Variants in PRDM1 observed in about 807,000 individuals in gnomAD.
PRDM1 encodes PR/SET domain 1, also known as PR domain zinc finger protein 1.
Under a neutral mutation model 62.8 loss-of-function variants are expected in PRDM1, and 13 were observed. That is an observed-to-expected ratio of 0.21 (90% confidence interval 0.13 to 0.33). The LOEUF is 0.33. PRDM1 is among the 10% of genes least tolerant of loss of function. The pLI is 1.00. For synonymous variants in PRDM1, 396 were observed against 417.6 expected, an observed-to-expected ratio of 0.95 and a Z score of 0.63; for missense variants, 895 against 1,058.8, an observed-to-expected ratio of 0.85 and a Z score of 2.15.
chr6:106,069,039 G>A (rs1030189306), intron 1 of PRDM1, among the ~76,000 whole-genome samples: 18 of 152,118 alleles, frequency 1.2e-4, no homozygotes, highest in Non-Finnish European at 1.9e-4. Context: ...GATAGACTTC[G>A]GATTGGCCAT....
At position 105,994,806 on chromosome 6, in the gene PRDM1, C is replaced by G. The variant is rs1480906943; in HGVS notation, c.-67+1167C>G. ...TCCGCGGCGGGGATGGCTGGGTGTG[C>G]AAACCGAAAACAGTTTGTCAGCCCT... On this transcript the variant is annotated intron_variant, in intron 1 of 6. Transcript: ENST00000652320. The surrounding 1 kb of genome is among the most constrained non-coding windows in gnomAD (Gnocchi z 4.1). Among the ~76,000 whole-genome samples, 1 of 152,224 alleles carries G rather than the reference C, an allele frequency of 6.6e-6. No homozygotes were observed. Among genetic ancestry groups the G allele is most frequent in the Non-Finnish European group, 1.5e-5 (1 of 68,042 alleles).
chr6:106,099,673 T>A, intron 4 of PRDM1, 121 bp downstream of exon 4: 1 of 1,367,404 alleles, frequency 7.3e-7, no homozygotes, highest in Non-Finnish European at 9.8e-7. Context: ...GTAGGTGGCT[T>A]AAGCTAGGGA....
At position 106,106,589 on chromosome 6, in the gene PRDM1, G is replaced by A. The variant is rs903168022; in HGVS notation, c.1902+90G>A. 1.3e-6 allele frequency: 2 copies of A among 1,534,588 alleles called. No individual in the cohort carries two copies. The highest frequency in any genetic ancestry group is 1.8e-6 in the Non-Finnish European group (2 of 1,129,702). On this transcript the variant is annotated intron_variant, in intron 6 of 6. Coordinates refer to ENST00000369096, the MANE Select transcript of PRDM1 (RefSeq NM_001198.4). The surrounding 1 kb of genome is among the most constrained non-coding windows in gnomAD (Gnocchi z 4.4). ...ATGTCCTATATAGCCCGTAGTTAAA[G>A]CCAACACCAGATTCTGCGTTGTCCC...
chr6:105,999,994 C>T (rs1200169036), intron 1 of PRDM1, among the ~76,000 whole-genome samples: 4 of 152,038 alleles, frequency 2.6e-5, no homozygotes, highest in South Asian at 2.1e-4. Context: ...GGACTACAGG[C>T]GCCTGCCACC....
rs1241973444 is a variant in PRDM1, at chr6:106,106,750, C to T, written c.1903-161C>T. ...CCCCTCGTGTGCTGTGTGCCCACAT[C>T]CCCCCGTTTGCTTAATACCACACTG... On this transcript the variant is annotated intron_variant, in intron 6 of 6. Transcript: ENST00000369096. This position sits in a 1 kb window ranked among gnomAD's most constrained non-coding sequence, Gnocchi z 4.4. Among the ~76,000 whole-genome samples the T allele has an allele frequency of 6.6e-6, 1 of 152,154 alleles. No individual in the cohort carries two copies. The highest frequency in any genetic ancestry group is 1.5e-5 in the Non-Finnish European group (1 of 68,030).
chr6:106,093,944 G>C (rs1443917323), intron 2 of PRDM1, among the ~76,000 whole-genome samples: 1 of 151,848 alleles, frequency 6.6e-6, no homozygotes, highest in African/African-American at 2.4e-5. Context: ...TCATTGATTT[G>C]TATATTGAAT....
At chr6:106,021,540 G>A (rs942922019) in intron 1 of PRDM1, among the ~76,000 whole-genome samples, 7 of 152,154 alleles carry the variant, frequency 4.6e-5, no homozygotes, top group African/African-American at 1.2e-4. Flanking sequence ...TACTGTTGCA[G>A]GAAAACATAA....
chr6:106,076,570 G>GA (rs908582970), intron 1 of PRDM1, among the ~76,000 whole-genome samples: 17 of 152,198 alleles, frequency 1.1e-4, no homozygotes, highest in Non-Finnish European at 2.2e-4. Flanking sequence ...TGTAGCACTA[G>GA]AAAAAATAAT....
At chr6:106,102,215 G>A (rs1774292674) in intron 4 of PRDM1, among the ~76,000 whole-genome samples, 1 of 152,152 alleles carries the variant, frequency 6.6e-6, no homozygotes, top group South Asian at 2.1e-4. Flanking sequence ...GACTCCGTCC[G>A]CCTACAGCCA....
At chr6:105,998,914 TATATATATATATATATA>T (rs1562141198) in intron 1 of PRDM1, among the ~76,000 whole-genome samples, 3 of 2,924 alleles carry the variant, frequency 1.0e-3, no homozygotes, top group Non-Finnish European at 1.5e-3. Context: ...TATATATATA[TATATATATATATATATA>T]TATTTTTTTT....
rs1263959220 is a variant in PRDM1, at chr6:106,086,402, G to A, written c.-152G>A. The stretch of plus-strand genomic sequence containing the variant: ...TTGCGGAGAGGCAAGAGCAGCGACC[G>A]CGGCACCTGTCCGCCCGGAGCTGGG... On this transcript the variant is annotated 5_prime_UTR_variant, in exon 1 of 7. Transcript: ENST00000369096. 1.6e-6 allele frequency: 1 copy of A among 624,370 alleles called. No individual in the cohort carries two copies. The highest frequency in any genetic ancestry group is 2.8e-6 in the Non-Finnish European group (1 of 355,690). The allele number at this position is 624,370 out of a possible 1,614,324, so 38.7% of individuals were successfully genotyped here.
chr6:106,071,769 C>T (rs1384085113), intron 1 of PRDM1, among the ~76,000 whole-genome samples: 1 of 149,546 alleles, frequency 6.7e-6, no homozygotes, highest in Admixed American at 6.7e-5. Context: ...TCCACAACCA[C>T]AGTATATTTT....
At chr6:106,048,845 C>G (rs970501557) in intron 1 of PRDM1, among the ~76,000 whole-genome samples, 10 of 148,142 alleles carry the variant, frequency 6.8e-5, no homozygotes, top group African/African-American at 2.5e-4. Flanking sequence ...TTTTTTCTTT[C>G]TGAGACAGAG....
intron 1 of PRDM1, among the ~76,000 whole-genome samples, chr6:105,998,913 ATATATATATATATATATATATT>A (rs1174972231): frequency 8.7e-4 from 12 of 13,854 alleles, no homozygotes; most frequent in African/African-American, 1.6e-3. Context: ...ATATATATAT[ATATATATATATATATATATATT>A]TTTTTTTTTT....
chr6:106,056,528 C>T (rs1387542049), intron 1 of PRDM1, among the ~76,000 whole-genome samples: 2 of 152,156 alleles, frequency 1.3e-5, no homozygotes, highest in Non-Finnish European at 2.9e-5. Context: ...GTTTATCAGC[C>T]ACACACAACC....
chr6:106,069,494 T>C (rs781020519), intron 1 of PRDM1, among the ~76,000 whole-genome samples: 40 of 152,316 alleles, frequency 2.6e-4, no homozygotes, highest in Middle Eastern at 3.4e-3. Context: ...CCTTTTATAG[T>C]TGTAACAATC....
intron 2 of PRDM1, among the ~76,000 whole-genome samples, chr6:106,093,969 GAAA>G (rs1048903052): frequency 6.6e-6 from 1 of 151,088 alleles, no homozygotes; most frequent in African/African-American, 2.4e-5. Flanking sequence ...AATTGTTTTA[GAAA>G]AAAAAATCAT....
upstream of PRDM1, chr6:106,046,860 CG>C (rs1773086237): frequency 6.6e-6 from 1 of 152,186 alleles, no homozygotes; most frequent in South Asian, 2.1e-4. Context: ...CAAGTAAATT[CG>C]GGGTTAAGAA....
intron 1 of PRDM1, among the ~76,000 whole-genome samples, chr6:106,057,358 T>A (rs1020288365): frequency 6.6e-6 from 1 of 152,210 alleles, no homozygotes; most frequent in Non-Finnish European, 1.5e-5. Context: ...TGTATTTATA[T>A]AGAAATGTGA....
Sources: allele counts gnomAD v4.1 joint callset (sites outside exome capture counted in the v4.1 genomes callset), GRCh38; gene constraint gnomAD v4.1.1; non-coding constraint Gnocchi (gnomAD v3.1); transcripts MANE v1.5; gene names NCBI Gene and HGNC (gene_info 2026-07-23, HGNC 2026-07-21).